The following NXPH1 variants were observed in gnomAD, a reference collection of about 807,000 sequenced individuals.
The protein encoded by NXPH1 is neurexophilin 1, also known as neurexophilin-1.
A neutral mutation model predicts 23.7 loss-of-function variants in NXPH1; 5 were observed. The observed-to-expected ratio is 0.21, with a 90% CI of 0.11 to 0.44. The LOEUF (loss-of-function observed/expected upper bound fraction) is 0.44. Among genes scored for constraint, NXPH1 ranks in the 20% least tolerant of loss-of-function variants. The probability of loss-of-function intolerance (pLI) is 0.99; values close to 1 mark genes in which losing one functional copy is unlikely to be tolerated. For missense variants in NXPH1, 324 were observed against 321.6 expected, an observed-to-expected ratio of 1.01 and a Z score of -0.06; for synonymous variants, 144 against 122.2, an observed-to-expected ratio of 1.18 and a Z score of -1.18.
rs1437440829 is a variant in NXPH1, at chr7:8,435,571, A to G, written c.-110-33A>G. On this transcript the variant is annotated intron_variant, in intron 1 of 2. Transcript: ENST00000405863. The surrounding 1 kb of genome is among the most constrained non-coding windows in gnomAD (Gnocchi z 5.9). ...TTGTCAAGCCTAACCTTGCCCGCGTAGTCATGGGATGTCTAATTTTATTTG... is the reference window on the plus strand; with the variant it reads ...TTGTCAAGCCTAACCTTGCCCGCGTGGTCATGGGATGTCTAATTTTATTTG... 4.2e-6 allele frequency: 3 copies of G among 719,086 alleles called. No homozygotes were observed. In the African/African-American group the frequency reaches 5.2e-5, roughly 13 times the overall value. The allele number at this position is 719,086 out of a possible 1,614,324, so 44.5% of individuals were successfully genotyped here. A position where few individuals can be genotyped will look rare whatever the true frequency, so the allele number is the denominator to read the frequency against.
chr7:8,729,800 A>G (rs1409164584), intron 2 of NXPH1, among the ~76,000 whole-genome samples: 1 of 152,152 alleles, frequency 6.6e-6, no homozygotes, highest in Non-Finnish European at 1.5e-5. Context: ...ATGGTGCTGA[A>G]ATAAATGTAT....
chr7:8,646,423 T>A (rs11978224), intron 2 of NXPH1, among the ~76,000 whole-genome samples: 101,709 of 151,524 alleles, frequency 0.67, 34,563 homozygotes, highest in East Asian at 0.83. Flanking sequence ...GACAATATTA[T>A]TTCTTTTTTG....
intron 2 of NXPH1, among the ~76,000 whole-genome samples, chr7:8,534,499 G>C (rs907107033): frequency 4.6e-5 from 7 of 152,064 alleles, no homozygotes; most frequent in African/African-American, 1.7e-4. Flanking sequence ...AGAGTTGCTG[G>C]GTAGCTAAAG....
chr7:8,672,430 C>A (rs1820886130), intron 2 of NXPH1, among the ~76,000 whole-genome samples: 1 of 151,724 alleles, frequency 6.6e-6, no homozygotes, highest in African/African-American at 2.4e-5. Context: ...TGTAACTAAC[C>A]TGCACATTGT....
chr7:8,709,333 AT>A (rs1211561454), intron 2 of NXPH1, among the ~76,000 whole-genome samples: 1 of 151,946 alleles, frequency 6.6e-6, no homozygotes, highest in Non-Finnish European at 1.5e-5. Context: ...AGTTTTTAAA[AT>A]TGTTAAATGG....
intron 2 of NXPH1, among the ~76,000 whole-genome samples, chr7:8,687,474 T>C (rs1384927925): frequency 1.3e-5 from 2 of 152,196 alleles, no homozygotes; most frequent in African/African-American, 2.4e-5. Flanking sequence ...AAATGTTATA[T>C]TAAAACATCA....
chr7:8,565,786 T>C (rs936403352), intron 2 of NXPH1, among the ~76,000 whole-genome samples: 2 of 151,872 alleles, frequency 1.3e-5, no homozygotes, highest in Non-Finnish European at 2.9e-5. Flanking sequence ...AATGAGAGTT[T>C]TGTGAAGCAC....
chr7:8,628,141 T>G (rs1169122873), intron 2 of NXPH1, among the ~76,000 whole-genome samples: 1 of 151,978 alleles, frequency 6.6e-6, no homozygotes, highest in Non-Finnish European at 1.5e-5. Flanking sequence ...CAAAGCAAAA[T>G]AAATGTAAAG....
intron 2 of NXPH1, among the ~76,000 whole-genome samples, chr7:8,681,841 CT>C (rs1287450834): frequency 6.6e-6 from 1 of 152,188 alleles, no homozygotes; most frequent in African/African-American, 2.4e-5. Context: ...TTTTTCCAGT[CT>C]TTCTCTACTA....
intron 2 of NXPH1, among the ~76,000 whole-genome samples, chr7:8,736,255 T>C (rs998705728): frequency 6.6e-6 from 1 of 152,222 alleles, no homozygotes; most frequent in Non-Finnish European, 1.5e-5. Context: ...TCCTTTCTCC[T>C]GTGGGCATTT....
At chr7:8,733,909 T>C (rs556453585) in intron 2 of NXPH1, among the ~76,000 whole-genome samples, 4 of 152,214 alleles carry the variant, frequency 2.6e-5, no homozygotes, top group Non-Finnish European at 4.4e-5. Flanking sequence ...ATTTTGGCTT[T>C]TGTTGCCATT....
chr7:8,472,875 A>G (rs1403469858), intron 2 of NXPH1, among the ~76,000 whole-genome samples: 1 of 152,188 alleles, frequency 6.6e-6, no homozygotes, highest in Non-Finnish European at 1.5e-5. Context: ...TAGTCCTGGC[A>G]TTCCTACAGG....
chr7:8,744,498 A>T (rs1454510482), intron 2 of NXPH1, among the ~76,000 whole-genome samples: 2 of 152,222 alleles, frequency 1.3e-5, no homozygotes, highest in East Asian at 3.9e-4. Flanking sequence ...CTGTCCTCAA[A>T]GTGCTAACAT....
At chr7:8,519,882 G>A (rs1013000727) in intron 2 of NXPH1, among the ~76,000 whole-genome samples, 2 of 152,070 alleles carry the variant, frequency 1.3e-5, no homozygotes, top group Admixed American at 6.6e-5. Flanking sequence ...ACATGTACTT[G>A]CATAGACATT....
intron 2 of NXPH1, among the ~76,000 whole-genome samples, chr7:8,526,150 C>T (rs946520094): frequency 1.2e-4 from 18 of 152,330 alleles, no homozygotes; most frequent in African/African-American, 3.8e-4. Flanking sequence ...CTTGCATCAG[C>T]GTGAGCTGGA....
intron 2 of NXPH1, among the ~76,000 whole-genome samples, chr7:8,556,365 T>G (rs2128620215): frequency 6.6e-6 from 1 of 151,826 alleles, no homozygotes; most frequent in South Asian, 2.1e-4. Flanking sequence ...TTCTCTCTAC[T>G]GAGTCTGGAG....
chr7:8,636,797 T>C (rs749138353), intron 2 of NXPH1, among the ~76,000 whole-genome samples: 1 of 152,244 alleles, frequency 6.6e-6, no homozygotes, highest in Non-Finnish European at 1.5e-5. Context: ...CTGAGCTACA[T>C]CATTCATATT....
rs2128603401 is a variant in NXPH1, at chr7:8,435,842, G to T, written c.54+75G>T. On this transcript the variant is annotated intron_variant, in intron 2 of 2. Coordinates refer to ENST00000405863, the MANE Select transcript of NXPH1 (RefSeq NM_152745.3). This position sits in a 1 kb window ranked among gnomAD's most constrained non-coding sequence, Gnocchi z 5.9. ...GCAAGGAAACTGGGGACACGCGGGA[G>T]AAGGGTTACGCCGCCAGTTCAGTGA... 1 of 1,367,436 alleles carries T rather than the reference G, an allele frequency of 7.3e-7. No homozygotes were observed. The highest frequency in any genetic ancestry group is 2.3e-5 in the East Asian group (1 of 43,726). The allele number at this position is 1,367,436 out of a possible 1,614,324, so 84.7% of individuals were successfully genotyped here.
intron 2 of NXPH1, among the ~76,000 whole-genome samples, chr7:8,530,406 C>A (rs1817932828): frequency 6.6e-6 from 1 of 152,180 alleles, no homozygotes; most frequent in South Asian, 2.1e-4. Context: ...TATCATACAT[C>A]CTTTGTGAGT....
Sources: gnomAD v4.1 joint callset for allele counts (sites outside exome capture counted in the v4.1 genomes callset) on GRCh38, gnomAD v4.1.1 for gene constraint, Gnocchi (gnomAD v3.1) non-coding constraint, MANE v1.5 for transcripts, NCBI Gene and HGNC (gene_info 2026-07-23, HGNC 2026-07-21) for gene names.